The following RAB3C variants were observed in gnomAD, a reference collection of about 807,000 sequenced individuals.
The protein encoded by RAB3C is RAB3C, member RAS oncogene family, also known as ras-related protein Rab-3C.
A neutral mutation model predicts 26.4 loss-of-function variants in RAB3C; 17 were observed. The observed-to-expected ratio is 0.64, with a 90% CI of 0.44 to 0.97. The LOEUF (loss-of-function observed/expected upper bound fraction) is 0.97. Among genes scored for constraint, RAB3C ranks in the 50% least tolerant of loss-of-function variants. The pLI is 0.00. For synonymous variants in RAB3C, 91 were observed against 95.9 expected (o/e 0.95, Z 0.30); for missense variants, 242 against 281.9 (o/e 0.86, Z 1.01).
At chr5:58,780,938 A>G (rs1295066908) in intron 3 of RAB3C, among the ~76,000 whole-genome samples, 2 of 152,062 alleles carry the variant, frequency 1.3e-5, no homozygotes, top group African/African-American at 4.8e-5. Flanking sequence ...GTATTTTATT[A>G]TTAATTACCT....
rs1173824996 is a variant in RAB3C, at chr5:58,614,459, G to T, written c.25-3184G>T. Among the ~76,000 whole-genome samples, 3 of 150,948 alleles carry T rather than the reference G, an allele frequency of 2.0e-5. No individual in the cohort carries two copies. In the South Asian group the frequency reaches 6.3e-4, roughly 32 times the overall value. On this transcript the variant is annotated intron_variant, in intron 1 of 4. Transcript: ENST00000282878. ...GGCTCTTTGTGGAATCTTATTAGGT[G>T]TGTTAAATTAGGAAATAGTACAAAA...
At chr5:58,764,359 T>G (rs1324324506) in intron 3 of RAB3C, among the ~76,000 whole-genome samples, 3 of 152,210 alleles carry the variant, frequency 2.0e-5, no homozygotes, top group South Asian at 2.1e-4. Flanking sequence ...GAAAGCAGTA[T>G]GAACAGTGCT....
rs149360163 is a variant in RAB3C at position 58,715,594 on chromosome 5, A to G, written c.253-10408A>G. 2.4e-3 allele frequency among the ~76,000 whole-genome samples: 371 copies of G among 152,250 alleles called. 2 individuals carry two copies. Among genetic ancestry groups the G allele is most frequent in the African/African-American group, 8.2e-3 (342 of 41,564 alleles). ...AATTTCATTGACTTTAGTTTTTTGC[A>G]CAAGTTAAATTCGAGATATCTGTGT... On this transcript the variant is annotated intron_variant, in intron 2 of 4. Coordinates refer to ENST00000282878, the MANE Select transcript of RAB3C (RefSeq NM_138453.4).
chr5:58,642,330 G>A (rs1747428395), intron 2 of RAB3C, among the ~76,000 whole-genome samples: 1 of 152,152 alleles, frequency 6.6e-6, no homozygotes, highest in South Asian at 2.1e-4. Context: ...ACCAAAGCTG[G>A]ACATTCCATC....
chr5:58,813,701 G>T (rs186750836), intron 3 of RAB3C, among the ~76,000 whole-genome samples: 3 of 67,366 alleles, frequency 4.5e-5, no homozygotes, highest in African/African-American at 3.0e-4. Flanking sequence ...ATAAACACAT[G>T]TCAAAGATAT....
intron 3 of RAB3C, among the ~76,000 whole-genome samples, chr5:58,773,081 A>G (rs1742060471): frequency 6.6e-6 from 1 of 152,212 alleles, no homozygotes; most frequent in Non-Finnish European, 1.5e-5. Context: ...GTAGTCATAA[A>G]GATTTCAGAT....
chr5:58,622,633 C>T (rs1172058774), intron 2 of RAB3C, among the ~76,000 whole-genome samples: 2 of 152,156 alleles, frequency 1.3e-5, no homozygotes, highest in East Asian at 3.8e-4. Flanking sequence ...GGCTCAACCT[C>T]CTCATTTGAT....
intron 3 of RAB3C, among the ~76,000 whole-genome samples, chr5:58,759,439 C>T (rs1194772190): frequency 3.9e-5 from 6 of 152,180 alleles, no homozygotes; most frequent in Non-Finnish European, 7.3e-5. Context: ...TCTGCCTCCC[C>T]AGTGTCTGGC....
chr5:58,609,129 T>A (rs1191942889), intron 1 of RAB3C, among the ~76,000 whole-genome samples: 2 of 152,098 alleles, frequency 1.3e-5, no homozygotes, highest in African/African-American at 4.8e-5. Flanking sequence ...ACATGGCACA[T>A]GTGTACCTAT....
chr5:58,745,517 C>G (rs1056296428), intron 3 of RAB3C, among the ~76,000 whole-genome samples: 1 of 151,866 alleles, frequency 6.6e-6, no homozygotes, highest in African/African-American at 2.4e-5. Flanking sequence ...CCTGATACTT[C>G]CATTCTTCCA....
Position 58,653,122 on chromosome 5 carries a change from C to T in RAB3C, c.252+35252C>T, listed in dbSNP as rs183009539. ...TGTTTCTCCTAATGCTATCCCTCCC[C>T]TTGCCCCCCACCCTCTGACAGGCCC... On this transcript the variant is annotated intron_variant, in intron 2 of 4. Coordinates refer to ENST00000282878, the MANE Select transcript of RAB3C (RefSeq NM_138453.4). Among the ~76,000 whole-genome samples, 498 of 152,212 alleles carry T rather than the reference C, an allele frequency of 3.3e-3. 1 individual carries two copies. Among genetic ancestry groups the T allele is most frequent in the Non-Finnish European group, 5.8e-3 (396 of 68,014 alleles).
At chr5:58,632,680 G>A (rs1426442990) in intron 2 of RAB3C, among the ~76,000 whole-genome samples, 1 of 152,194 alleles carries the variant, frequency 6.6e-6, no homozygotes, top group East Asian at 1.9e-4. Context: ...TGTGGACAGA[G>A]GGTATATGTG....
At chr5:58,758,223 C>T (rs1015722317) in intron 3 of RAB3C, among the ~76,000 whole-genome samples, 7 of 152,076 alleles carry the variant, frequency 4.6e-5, no homozygotes, top group African/African-American at 7.2e-5. Context: ...GGATTACAGA[C>T]GTGAGCCACG....
rs1481482262 is a variant in RAB3C at position 58,853,188 on chromosome 5, A to G, written c.*1837A>G. 1.3e-5 allele frequency: 2 copies of G among 152,222 alleles called. No homozygotes were observed. Among genetic ancestry groups the G allele is most frequent in the African/African-American group, 4.8e-5 (2 of 41,456 alleles). The allele number at this position is 152,222 out of a possible 1,614,324, so 9.4% of individuals were successfully genotyped here. On this transcript the variant is annotated 3_prime_UTR_variant, in exon 5 of 5. Transcript: ENST00000282878. ...GTTTTTAATGGGGCAACCAACTTCA[A>G]AATCACAGGAATTACAGTGACGGGA...
intron 3 of RAB3C, among the ~76,000 whole-genome samples, chr5:58,770,062 A>G (rs1370803341): frequency 6.6e-6 from 1 of 152,202 alleles, no homozygotes; most frequent in Non-Finnish European, 1.5e-5. Flanking sequence ...ACTTCAATAC[A>G]GAATAGTATT....
intron 3 of RAB3C, among the ~76,000 whole-genome samples, chr5:58,741,282 A>C (rs1741269365): frequency 6.6e-6 from 1 of 152,158 alleles, no homozygotes; most frequent in South Asian, 2.1e-4. Context: ...GTTTTATTGG[A>C]GGTTCATTAC....
At chr5:58,799,216 T>G (rs916120999) in intron 3 of RAB3C, among the ~76,000 whole-genome samples, 2 of 152,180 alleles carry the variant, frequency 1.3e-5, no homozygotes, top group Non-Finnish European at 2.9e-5. Context: ...GTCTGCAACT[T>G]ACTTTGAAAT....
At chr5:58,804,060 A>AG (rs1309738721) in intron 3 of RAB3C, among the ~76,000 whole-genome samples, 2 of 7,034 alleles carry the variant, frequency 2.8e-4, no homozygotes, top group African/African-American at 4.0e-3. Flanking sequence ...ACTCTATCTT[A>AG]AAAAAAAAAA....
chr5:58,764,308 C>A (rs997086067), intron 3 of RAB3C, among the ~76,000 whole-genome samples: 5 of 152,112 alleles, frequency 3.3e-5, no homozygotes, highest in Non-Finnish European at 5.9e-5. Context: ...GCCTTTAAAT[C>A]CTAATGCATG....
Sources: gnomAD v4.1 joint callset for allele counts (sites outside exome capture counted in the v4.1 genomes callset) on GRCh38, gnomAD v4.1.1 for gene constraint, MANE v1.5 for transcripts, NCBI Gene and HGNC (gene_info 2026-07-23, HGNC 2026-07-21) for gene names.